Variants in TOPORS observed in about 807,000 individuals in gnomAD.
TOPORS encodes E3 ubiquitin-protein ligase Topors.
A neutral mutation model predicts 81.4 loss-of-function variants in TOPORS; 25 were observed. That is an observed-to-expected ratio of 0.31 (90% CI 0.22 to 0.43). The LOEUF is 0.43. TOPORS is among the 20% of genes least tolerant of loss of function. TOPORS has a pLI of 1.00. For missense variants in TOPORS, 1,101 were observed against 1,267.0 expected, an observed-to-expected ratio of 0.87 and a Z score of 1.99; for synonymous variants, 473 against 456.6, an observed-to-expected ratio of 1.04 and a Z score of -0.46.
chr9:32,552,027 C>G (rs1821282242), intron 1 of TOPORS, among the ~76,000 whole-genome samples: 1 of 151,976 alleles, frequency 6.6e-6, no homozygotes, highest in South Asian at 2.1e-4. Context: ...GTTAATTCTT[C>G]CAGCTTTAGA....
At position 32,540,917 on chromosome 9, in the gene TOPORS, A is replaced by T. The variant is rs1214891148; in HGVS notation, c.*470T>A. On this transcript the variant is annotated 3_prime_UTR_variant, in exon 3 of 3. Coordinates refer to ENST00000360538, the MANE Select transcript of TOPORS (RefSeq NM_005802.5). ...TAAACTGTGCAGATTAAAATGCCTC[A>T]ATTTAACCTGAAGAAATGGTTTTGA... 1 of 153,884 alleles carries T rather than the reference A, an allele frequency of 6.5e-6. No individual in the cohort carries two copies. The highest frequency in any genetic ancestry group is 1.5e-5 in the Non-Finnish European group (1 of 68,886). The allele number at this position is 153,884 out of a possible 1,614,324, so 9.5% of individuals were successfully genotyped here.
chr9:32,542,693 T>C lies in TOPORS; in HGVS notation c.1832A>G (p.Asp611Gly). Residue 611 changes from aspartate to glycine, a missense_variant, in exon 3 of 3, where the codon GAT becomes GGT. Asp to Gly is a moderately conservative substitution (Grantham distance 94, BLOSUM62 -1). Transcript: ENST00000360538. ...DSRSQSRSGH[D>G]QKNHRKHHGK... ...ATGATGCTTTCTATGATTCTTCTGATCATGCCCACTTCTACTCTGAGAACG... is the reference window on the plus strand; with the variant it reads ...ATGATGCTTTCTATGATTCTTCTGACCATGCCCACTTCTACTCTGAGAACG... 1 of 1,614,120 alleles carries C rather than the reference T, an allele frequency of 6.2e-7. No homozygotes were observed. The highest frequency in any genetic ancestry group is 1.1e-5 in the South Asian group (1 of 91,082).
rs140733732 is a variant in TOPORS, at chr9:32,548,837, T to C, written c.198+1937A>G. On this transcript the variant is annotated intron_variant, in intron 2 of 2. Coordinates refer to ENST00000360538, the MANE Select transcript of TOPORS (RefSeq NM_005802.5). ...TCAAATCTGGCTTTAACAAGGATAA[T>C]AACAATTCGGGGAAATTTCAGCTAA... Among the ~76,000 whole-genome samples the C allele has an allele frequency of 2.0e-5, 3 of 152,200 alleles. No individual in the cohort carries two copies. In the East Asian group the frequency reaches 5.8e-4, roughly 29 times the overall value.
In TOPORS at chr9:32,552,102, C is replaced by T. The variant is rs1821284179; in HGVS notation, c.3+332G>A. ...TAACTTTTAAATGGACACGACAGCA[C>T]CTTATCCTGCATTAATATTGCATTG... is the stretch of plus-strand genomic sequence containing the variant. On this transcript the variant is annotated intron_variant, in intron 1 of 2. Transcript: ENST00000360538. 7.4e-6 allele frequency: 4 copies of T among 541,634 alleles called. No homozygotes were observed. The African/African-American group carries it at 7.8e-5, about 11-fold the overall frequency. 33.6% of individuals were successfully genotyped at this position (541,634 alleles called of 1,614,324 possible).
At chr9:32,550,629 G>C in intron 2 of TOPORS, 145 bp downstream of exon 2, 1 of 847,738 alleles carries the variant, frequency 1.2e-6, no homozygotes, top group Non-Finnish European at 1.8e-6. Flanking sequence ...GCCGCTCGGG[G>C]GCCCTGGCCC....
intron 1 of TOPORS, chr9:32,551,448 TCAG>T: frequency 3.6e-6 from 1 of 280,306 alleles, no homozygotes; most frequent in Non-Finnish European, 7.2e-6. Context: ...TATAAAGTCT[TCAG>T]AGAGGGATCC....
intron 2 of TOPORS, among the ~76,000 whole-genome samples, chr9:32,546,571 T>G: frequency 6.6e-6 from 1 of 152,240 alleles, no homozygotes; most frequent in Non-Finnish European, 1.5e-5. Context: ...TTCACTTAGT[T>G]CTCTGAAATA....
Position 32,543,337 on chromosome 9 carries a change from TG to T in TOPORS, c.1187del (p.Pro396GlnfsTer13). 1.2e-6 allele frequency: 2 copies of T among 1,614,148 alleles called. No homozygotes were observed. Among genetic ancestry groups the T allele is most frequent in the Non-Finnish European group, 1.7e-6 (2 of 1,180,024 alleles). On this transcript the variant is annotated frameshift_variant, in exon 3 of 3. Transcript: ENST00000360538. LOFTEE classifies it high-confidence loss of function. The surrounding 1 kb of genome is among the most constrained non-coding windows in gnomAD (Gnocchi z 5.6). ...CCAGCTCTTGGGTCTCAGCCTCATCTGGAGATATTGTTATGACTGAAGAATC... is the reference window on the plus strand; with the variant it reads ...CCAGCTCTTGGGTCTCAGCCTCATCTGAGATATTGTTATGACTGAAGAATC... The part of the protein sequence containing the change: ...HSDSSVITIS[P>X]DEAETQELDI...
At position 32,541,054 on chromosome 9, in the gene TOPORS, A is replaced by C. The variant is rs1563982546; in HGVS notation, c.*333T>G. 1 of 181,582 alleles carries C rather than the reference A, an allele frequency of 5.5e-6. No homozygotes were observed. The allele number at this position is 181,582 out of a possible 1,614,324, so 11.2% of individuals were successfully genotyped here. A position where few individuals can be genotyped will look rare whatever the true frequency, so the allele number is the denominator to read the frequency against. On this transcript the variant is annotated 3_prime_UTR_variant, in exon 3 of 3. Coordinates refer to ENST00000360538, the MANE Select transcript of TOPORS (RefSeq NM_005802.5). ...AAAAAAAATTCAAAAATACTCATTG[A>C]CTACCTTAAAAATATGTCAATACCG...
intron 1 of TOPORS, 67 bp downstream of exon 1, chr9:32,552,367 C>CGCCTGGGAGGT: frequency 6.3e-7 from 1 of 1,591,192 alleles, no homozygotes; most frequent in Non-Finnish European, 8.6e-7. Flanking sequence ...TGGCAGCCAC[C>CGCCTGGGAGGT]GCCTGGGAGG....
chr9:32,541,900 A>T lies in TOPORS; in HGVS notation c.2625T>A (p.Ala875=). 3 of 1,614,014 alleles carry T rather than the reference A, an allele frequency of 1.9e-6. No homozygotes were observed. The highest frequency in any genetic ancestry group is 2.5e-6 in the Non-Finnish European group (3 of 1,180,000). Residue 875 remains alanine (A), a synonymous_variant, in exon 3 of 3, where the codon GCT becomes GCA. Coordinates refer to ENST00000360538, the MANE Select transcript of TOPORS (RefSeq NM_005802.5). ...LSVEIVYEGK[A]TDTTKHHKKK... ...TTTTATGGTGTTTAGTTGTATCAGT[A>T]GCTTTTCCTTCATAAACTATCTCTA...
chr9:32,544,333 A>G lies in TOPORS; in HGVS notation c.199-7T>C, dbSNP rs1416283239. On this transcript the variant is annotated splice_region_variant and splice_polypyrimidine_tract_variant and intron_variant, in intron 2 of 2. Coordinates refer to ENST00000360538, the MANE Select transcript of TOPORS (RefSeq NM_005802.5). ...TAGCAGCTGATGCCATTATCTGTAA[A>G]AGGGAAAGAAATATATCAGTAACCT... 6.3e-7 allele frequency: 1 copy of G among 1,599,528 alleles called. No homozygotes were observed. The highest frequency in any genetic ancestry group is 1.7e-5 in the Admixed American group (1 of 60,022).
intron 1 of TOPORS, chr9:32,552,193 G>C (rs1435839094): frequency 3.9e-6 from 2 of 512,698 alleles, no homozygotes. Context: ...AAAAAAAAAA[G>C]CAATTTTTAA....
chr9:32,545,521 G>A, intron 2 of TOPORS, among the ~76,000 whole-genome samples: 1 of 151,708 alleles, frequency 6.6e-6, no homozygotes, highest in Non-Finnish European at 1.5e-5. Flanking sequence ...AGCACTTTGG[G>A]AGGCCAAGGC....
At position 32,543,304 on chromosome 9, in the gene TOPORS, A is replaced by G. The variant is rs910122958; in HGVS notation, c.1221T>C (p.Asn407=). ...ATGGTGCCTGACTAACAGTGGCTAC[A>G]TTAATATCCAGCTCTTGGGTCTCAG... ...DEAETQELDI[N]VATVSQAPWD... The change falls in exon 3 of 3, where the codon AAT becomes AAC. Residue 407 remains asparagine (N), a synonymous_variant. Transcript: ENST00000360538. The surrounding 1 kb of genome is among the most constrained non-coding windows in gnomAD (Gnocchi z 5.6). 8 of 1,613,998 alleles carry G rather than the reference A, an allele frequency of 5.0e-6. No homozygotes were observed. The highest frequency in any genetic ancestry group is 4.5e-5 in the East Asian group (2 of 44,892).
chr9:32,541,205 G>T lies in TOPORS; in HGVS notation c.*182C>A. 1.6e-6 allele frequency: 1 copy of T among 606,348 alleles called. No homozygotes were observed. Among genetic ancestry groups the T allele is most frequent in the Non-Finnish European group, 2.8e-6 (1 of 352,404 alleles). The allele number at this position is 606,348 out of a possible 1,614,324, so 37.6% of individuals were successfully genotyped here. On this transcript the variant is annotated 3_prime_UTR_variant, in exon 3 of 3. Transcript: ENST00000360538. ...TAAAAGTGCATATCTTTGAGGGTGG[G>T]ACATACATTTTGAACAAATAATGAT...
chr9:32,551,616 A>G (rs1212993893), intron 1 of TOPORS: 2 of 267,338 alleles, frequency 7.5e-6, no homozygotes, highest in Non-Finnish European at 1.6e-5. Context: ...GAACGTCTAG[A>G]GCCTAAGCGG....
chr9:32,551,840 A>G (rs1238902272), intron 1 of TOPORS: 2 of 449,854 alleles, frequency 4.4e-6, no homozygotes, highest in Non-Finnish European at 9.0e-6. Flanking sequence ...TCTTAGAGAT[A>G]TACATTACGC....
At chr9:32,546,714 T>TA (rs1228404105) in intron 2 of TOPORS, among the ~76,000 whole-genome samples, 1 of 152,168 alleles carries the variant, frequency 6.6e-6, no homozygotes, top group East Asian at 1.9e-4. Flanking sequence ...ATGATTTTTT[T>TA]AAAAAAATGA....
Sources: gnomAD v4.1 joint callset for allele counts (sites outside exome capture counted in the v4.1 genomes callset) on GRCh38, gnomAD v4.1.1 for gene constraint, Gnocchi (gnomAD v3.1) non-coding constraint, MANE v1.5 for transcripts, NCBI Gene and HGNC (gene_info 2026-07-23, HGNC 2026-07-21) for gene names.